Variants in ZNF100 observed in about 807,000 individuals in gnomAD.
ZNF100 encodes zinc finger protein 100 (Y1).
A neutral mutation model predicts 15.8 loss-of-function variants in ZNF100; 12 were observed. The observed-to-expected ratio is 0.76, with a 90% CI of 0.49 to 1.23. ZNF100 has a LOEUF of 1.23. Among genes scored for constraint, ZNF100 ranks in the 50% most tolerant of loss-of-function variants. ZNF100 has a pLI of 0.00. For missense variants in ZNF100, 670 were observed against 635.6 expected (o/e 1.05, Z -0.58); for synonymous variants, 226 against 214.8 (o/e 1.05, Z -0.45).
intron 2 of ZNF100, among the ~76,000 whole-genome samples, chr19:21,748,237 C>T (rs2036244880): frequency 6.6e-6 from 1 of 151,854 alleles, no homozygotes. Context: ...TTGTAAGCAC[C>T]AGCTCTAGAA....
At chr19:21,767,062 T>A (rs754808088) in intron 1 of ZNF100, among the ~76,000 whole-genome samples, 4 of 152,172 alleles carry the variant, frequency 2.6e-5, no homozygotes, top group Non-Finnish European at 4.4e-5. Context: ...AAAGAGGAAC[T>A]GGGAAAGCCA....
intron 2 of ZNF100, chr19:21,752,765 C>T (rs2036329534): frequency 6.6e-6 from 1 of 152,078 alleles, no homozygotes. Context: ...TAGTTTGGGC[C>T]CTCCAAGGTA....
intron 2 of ZNF100, chr19:21,750,861 G>C (rs1422936184): frequency 5.6e-6 from 3 of 532,800 alleles, no homozygotes; most frequent in South Asian, 5.7e-5. Flanking sequence ...GGAACACGCT[G>C]ACCTATTGCG....
intron 4 of ZNF100, among the ~76,000 whole-genome samples, chr19:21,738,678 G>A (rs1351208076): frequency 6.6e-6 from 1 of 152,124 alleles, no homozygotes; most frequent in African/African-American, 2.4e-5. Context: ...CCAGGTTCAG[G>A]CCAGGCGCAG....
chr19:21,737,096 A>G (rs1027321395), intron 4 of ZNF100, among the ~76,000 whole-genome samples: 1 of 152,092 alleles, frequency 6.6e-6, no homozygotes, highest in Admixed American at 6.6e-5. Flanking sequence ...AAAAAAATCA[A>G]TATATCCAGG....
intron 2 of ZNF100, among the ~76,000 whole-genome samples, chr19:21,747,831 A>G (rs1212720558): frequency 6.6e-6 from 1 of 152,258 alleles, no homozygotes; most frequent in Non-Finnish European, 1.5e-5. Context: ...AGTACAATAT[A>G]GAGCACTGTG....
chr19:21,727,964 G>C lies in ZNF100; in HGVS notation c.348C>G (p.Asp116Glu), dbSNP rs1462854703. Residue 116 changes from aspartate to glutamate, a missense_variant, in exon 5 of 5, where the codon GAC (aspartate) becomes GAG (glutamate). Coordinates refer to ENST00000358296, the MANE Select transcript of ZNF100 (RefSeq NM_173531.4). ...CTTTAATGTCCTGCTCTGCCCAAAG[G>C]TCTTGGGGAAAATGAGAACATATAA... is the stretch of plus-strand genomic sequence containing the variant. ...PPVICSHFPQ[D>E]LWAEQDIKDS... 1 of 1,532,898 alleles carries C rather than the reference G, an allele frequency of 6.5e-7. No individual in the cohort carries two copies. Among genetic ancestry groups the C allele is most frequent in the African/African-American group, 1.4e-5 (1 of 71,806 alleles). 95.0% of individuals were successfully genotyped at this position (1,532,898 alleles called of 1,614,324 possible). A position where few individuals can be genotyped will look rare whatever the true frequency, so the allele number is the denominator to read the frequency against.
intron 2 of ZNF100, chr19:21,751,768 A>AT: frequency 7.9e-7 from 1 of 1,272,622 alleles, no homozygotes; most frequent in Non-Finnish European, 1.1e-6. Context: ...TGAATTTTCT[A>AT]TTTGCTCCTC....
Position 21,765,858 on chromosome 19 carries a change from C to A in ZNF100, c.4-72G>T, listed in dbSNP as rs557167484. 1.7e-5 allele frequency: 25 copies of A among 1,460,692 alleles called. No individual in the cohort carries two copies. In the African/African-American group the frequency reaches 3.2e-4, roughly 19 times the overall value. The allele number at this position is 1,460,692 out of a possible 1,614,324, so 90.5% of individuals were successfully genotyped here. On this transcript the variant is annotated intron_variant, in intron 1 of 4. Transcript: ENST00000358296. ...GCTGACAGAACCATGGCGGATATCTCGGTTTATCCACAGATAGTACTGAAA... is the reference window on the plus strand; with the variant it reads ...GCTGACAGAACCATGGCGGATATCTAGGTTTATCCACAGATAGTACTGAAA...
chr19:21,752,065 A>C (rs940208520), intron 2 of ZNF100: 11 of 236,314 alleles, frequency 4.7e-5, no homozygotes, highest in African/African-American at 2.3e-4. Flanking sequence ...GACAACAAGG[A>C]TCATACTCCA....
chr19:21,762,092 C>A (rs902330787), intron 2 of ZNF100, among the ~76,000 whole-genome samples: 5 of 152,100 alleles, frequency 3.3e-5, no homozygotes, highest in Non-Finnish European at 7.4e-5. Context: ...GCAGGAGAAT[C>A]ACTTGAACTT....
intron 2 of ZNF100, among the ~76,000 whole-genome samples, chr19:21,749,715 C>G (rs193075576): frequency 3.9e-5 from 6 of 152,268 alleles, no homozygotes; most frequent in Admixed American, 2.0e-4. Context: ...CTATTTATAC[C>G]TGGAGTCTCT....
intron 2 of ZNF100, among the ~76,000 whole-genome samples, chr19:21,750,094 C>T (rs978268366): frequency 1.3e-5 from 2 of 152,142 alleles, no homozygotes; most frequent in Admixed American, 1.3e-4. Context: ...TTCATCTGGG[C>T]CAAGCTTGAG....
intron 2 of ZNF100, among the ~76,000 whole-genome samples, chr19:21,747,196 A>G (rs554416365): frequency 6.6e-6 from 1 of 152,256 alleles, no homozygotes; most frequent in South Asian, 2.1e-4. Context: ...TATCGTAACC[A>G]CCCTTTAGTG....
Position 21,738,398 on chromosome 19 carries a change from A to C in ZNF100, c.322+5619T>G, listed in dbSNP as rs534654615. ...AGAACAAAGCTGGAGGCATCATGCT[A>C]TCCAACTTCAAACTATACTACAAGG... On this transcript the variant is annotated intron_variant, in intron 4 of 4. Coordinates refer to ENST00000358296, the MANE Select transcript of ZNF100 (RefSeq NM_173531.4). 2.1e-4 allele frequency among the ~76,000 whole-genome samples: 32 copies of C among 152,170 alleles called. No homozygotes were observed. In the South Asian group the frequency reaches 5.0e-3, roughly 24 times the overall value.
chr19:21,744,228 A>G, intron 3 of ZNF100, 113 bp from the exon 4 acceptor site: 1 of 979,392 alleles, frequency 1.0e-6, no homozygotes, highest in South Asian at 3.2e-5. Context: ...ATCCTAACGT[A>G]CTAATTAATG....
Position 21,745,029 on chromosome 19 carries a change from A to G in ZNF100, c.135T>C (p.Ser45=). 1 of 1,613,332 alleles carries G rather than the reference A, an allele frequency of 6.2e-7. No homozygotes were observed. Among genetic ancestry groups the G allele is most frequent in the East Asian group, 2.2e-5 (1 of 44,866 alleles). ...TGTCCAGGCATTGCCACTCCTCCAG[A>G]GAGAATTCTATGGCCACATCCCTAA... ...LTFRDVAIEF[S]LEEWQCLDSA... The change falls in exon 3 of 5, where the codon TCT becomes TCC. Residue 45 remains serine (S), a synonymous_variant. Coordinates refer to ENST00000358296, the MANE Select transcript of ZNF100 (RefSeq NM_173531.4).
chr19:21,744,128 T>G lies in ZNF100; in HGVS notation c.224-13A>C. 6.3e-7 allele frequency: 1 copy of G among 1,583,286 alleles called. No homozygotes were observed. The highest frequency in any genetic ancestry group is 8.6e-7 in the Non-Finnish European group (1 of 1,162,810). ...AGAGCAATACCTGCTTTATTAGAAA[T>G]AAATAACATGAATCTTTCTCATATT... is the stretch of plus-strand genomic sequence containing the variant. On this transcript the variant is annotated splice_polypyrimidine_tract_variant and intron_variant, in intron 3 of 4. Coordinates refer to ENST00000358296, the MANE Select transcript of ZNF100 (RefSeq NM_173531.4).
chr19:21,734,889 T>A (rs900560446), intron 4 of ZNF100, among the ~76,000 whole-genome samples: 1 of 152,096 alleles, frequency 6.6e-6, no homozygotes, highest in Non-Finnish European at 1.5e-5. Flanking sequence ...CCAGAAGACA[T>A]TGGGGGCCAA....
Sources: gnomAD v4.1 joint callset for allele counts (sites outside exome capture counted in the v4.1 genomes callset) on GRCh38, gnomAD v4.1.1 for gene constraint, MANE v1.5 for transcripts, NCBI Gene and HGNC (gene_info 2026-07-23, HGNC 2026-07-21) for gene names.